The following PLAC1 variants were observed in gnomAD, a reference collection of about 807,000 sequenced individuals.
PLAC1 encodes the protein placenta associated 1, also known as placenta-specific protein 1.
For synonymous variants in PLAC1, 68 were observed against 62.1 expected (o/e 1.09, Z -0.44); for missense variants, 136 against 163.2 (o/e 0.83, Z 0.91).
At chrX:134,603,338 T>C (rs2078106591) in intron 1 of PLAC1, among the ~76,000 whole-genome samples, 1 of 47,220 alleles carries the variant, frequency 2.1e-5, no homozygotes, top group African/African-American at 8.1e-5. Context: ...TTTTTTTTTT[T>C]TTTTTTTTTT....
At chrX:134,708,334 T>C (rs1216310036) in intron 2 of PLAC1, among the ~76,000 whole-genome samples, 1 of 111,401 alleles carries the variant, frequency 9.0e-6, no homozygotes, top group Non-Finnish European at 1.9e-5. Flanking sequence ...GCAACTTGCA[T>C]GAATCTCCAG....
chrX:134,739,301 G>A (rs750347343), intron 1 of PLAC1, among the ~76,000 whole-genome samples: 3 of 112,233 alleles, frequency 2.7e-5, no homozygotes, highest in Admixed American at 9.4e-5. Flanking sequence ...TTTTTTATTC[G>A]ACTTCGAGGT....
At chrX:134,597,595 T>A (rs773140439) in intron 2 of PLAC1, among the ~76,000 whole-genome samples, 8 of 112,098 alleles carry the variant, frequency 7.1e-5, no homozygotes, top group Non-Finnish European at 1.3e-4. Context: ...CTGGATCTTA[T>A]TTAAACCTTA....
intron 1 of PLAC1, among the ~76,000 whole-genome samples, chrX:134,643,339 C>T (rs774038809): frequency 1.8e-5 from 2 of 111,520 alleles, no homozygotes; most frequent in Non-Finnish European, 3.8e-5. Context: ...TGTACAACAG[C>T]TTTAAGGAAC....
intron 2 of PLAC1, among the ~76,000 whole-genome samples, chrX:134,578,381 C>G (rs1340432598): frequency 1.0e-5 from 1 of 97,770 alleles, no homozygotes; most frequent in Non-Finnish European, 2.1e-5. Context: ...CCACTGCACT[C>G]CAGCCTGAGT....
chrX:134,631,733 G>T (rs1162769537), intron 1 of PLAC1, among the ~76,000 whole-genome samples: 1 of 111,787 alleles, frequency 8.9e-6, no homozygotes. Context: ...TCTGGACTCA[G>T]CAGGGACCAT....
chrX:134,738,964 T>C (rs1457622528), intron 1 of PLAC1, among the ~76,000 whole-genome samples: 1 of 112,665 alleles, frequency 8.9e-6, no homozygotes, highest in Non-Finnish European at 1.9e-5. Context: ...TGGAGTCAAA[T>C]ATGCCTGGTA....
At chrX:134,580,262 G>C (rs1277332573) in intron 2 of PLAC1, among the ~76,000 whole-genome samples, 1 of 112,239 alleles carries the variant, frequency 8.9e-6, no homozygotes, top group Non-Finnish European at 1.9e-5. Flanking sequence ...TAGCGACTGA[G>C]ATTCCCGCAG....
chrX:134,759,764 A>G (rs1428889721), intron 1 of PLAC1, among the ~76,000 whole-genome samples: 1 of 112,261 alleles, frequency 8.9e-6, no homozygotes, highest in African/African-American at 3.2e-5. Context: ...TGTCATTTTC[A>G]GCAACATCAA....
chrX:134,730,608 C>A (rs947483828), intron 2 of PLAC1, among the ~76,000 whole-genome samples: 2 of 110,756 alleles, frequency 1.8e-5, no homozygotes, highest in African/African-American at 3.3e-5. Context: ...CTATGCCCAG[C>A]TAATTTTTTA....
intron 1 of PLAC1, among the ~76,000 whole-genome samples, chrX:134,627,290 C>G (rs1247903146): frequency 8.9e-6 from 1 of 111,831 alleles, no homozygotes; most frequent in Non-Finnish European, 1.9e-5. Context: ...TGATGACCAA[C>G]TAATTTATTT....
intron 2 of PLAC1, among the ~76,000 whole-genome samples, chrX:134,677,650 G>A (rs191693504): frequency 1.8e-3 from 205 of 111,954 alleles, no homozygotes; most frequent in Non-Finnish European, 3.1e-3. Context: ...AGGGAATGGG[G>A]CTGCAGGATA....
intron 1 of PLAC1, among the ~76,000 whole-genome samples, chrX:134,629,607 T>G (rs2078250822): frequency 1.8e-5 from 2 of 112,021 alleles, no homozygotes. Flanking sequence ...CTTTTCCTTT[T>G]TCTTGAGTTT....
chrX:134,597,240 T>C (rs900784328), intron 2 of PLAC1, among the ~76,000 whole-genome samples: 2 of 111,855 alleles, frequency 1.8e-5, no homozygotes, highest in East Asian at 5.6e-4. Context: ...GTTCACCGAT[T>C]TTTTTCCTTT....
At chrX:134,758,070 A>C (rs1291744569) in intron 1 of PLAC1, among the ~76,000 whole-genome samples, 1 of 111,211 alleles carries the variant, frequency 9.0e-6, no homozygotes, top group Non-Finnish European at 1.9e-5. Flanking sequence ...CAAAAATAAA[A>C]TATGTAGGAA....
intron 2 of PLAC1, among the ~76,000 whole-genome samples, chrX:134,590,151 C>T (rs1026370244): frequency 1.3e-4 from 14 of 110,118 alleles, no homozygotes; most frequent in East Asian, 2.8e-4. Context: ...GCCAAGATCA[C>T]GCCACTGCAC....
At chrX:134,654,092 C>T (rs948192254) in intron 1 of PLAC1, among the ~76,000 whole-genome samples, 10 of 111,810 alleles carry the variant, frequency 8.9e-5, no homozygotes, top group African/African-American at 2.0e-4. Context: ...GTGACCCCAA[C>T]GATTGCAAGA....
chrX:134,694,061 T>C (rs1388072520), intron 2 of PLAC1, among the ~76,000 whole-genome samples: 1 of 111,380 alleles, frequency 9.0e-6, no homozygotes, highest in Admixed American at 9.5e-5. Context: ...GTTTTGTCTA[T>C]AAATGATTTT....
At chrX:134,582,834 G>A (rs1305787350) in intron 2 of PLAC1, among the ~76,000 whole-genome samples, 1 of 111,846 alleles carries the variant, frequency 8.9e-6, no homozygotes, top group African/African-American at 3.2e-5. Context: ...AAAGTCTAGG[G>A]AAAGAAGTTT....
Sources: gnomAD v4.1 joint callset for allele counts (sites outside exome capture counted in the v4.1 genomes callset) on GRCh38, gnomAD v4.1.1 for gene constraint, MANE v1.5 for transcripts, NCBI Gene and HGNC (gene_info 2026-07-23, HGNC 2026-07-21) for gene names.